Variants in CACNA2D3 observed in about 807,000 individuals in gnomAD.
The protein encoded by CACNA2D3 is voltage-dependent calcium channel subunit alpha-2/delta-3.
A neutral mutation model predicts 160.6 loss-of-function variants in CACNA2D3; 60 were observed. That is an observed-to-expected ratio of 0.37 (90% CI 0.30 to 0.46). The LOEUF (loss-of-function observed/expected upper bound fraction) is 0.46, where lower values mean the gene tolerates loss of function less well. Ranked by LOEUF, CACNA2D3 falls within the 20% of genes least tolerant of loss-of-function variation. The pLI, the probability that CACNA2D3 is intolerant of heterozygous loss-of-function variation, is 1.00. For synonymous variants in CACNA2D3, 558 were observed against 492.9 expected, an observed-to-expected ratio of 1.13 and a Z score of -1.75; for missense variants, 1,205 against 1,365.0, an observed-to-expected ratio of 0.88 and a Z score of 1.85.
intron 4 of CACNA2D3, among the ~76,000 whole-genome samples, chr3:54,421,215 C>G (rs1699831940): frequency 6.6e-6 from 1 of 152,190 alleles, no homozygotes; most frequent in Non-Finnish European, 1.5e-5. Context: ...TACCAAGGGC[C>G]TTGTGTGCTT....
At position 55,044,784 on chromosome 3, in the gene CACNA2D3, C is replaced by G. The variant is rs1704040123; in HGVS notation, c.2987+26467C>G. Reference sequence around the variant, plus strand: ...CATCCTTTATCAAGTTAAGGGAGTTCCTTCTGTTCCTAATTTCTTGAGATT... The same window carrying G: ...CATCCTTTATCAAGTTAAGGGAGTTGCTTCTGTTCCTAATTTCTTGAGATT... On this transcript the variant is annotated intron_variant, in intron 35 of 37. Coordinates refer to ENST00000474759, the MANE Select transcript of CACNA2D3 (RefSeq NM_018398.3). 2.0e-5 allele frequency among the ~76,000 whole-genome samples: 3 copies of G among 152,002 alleles called. No individual in the cohort carries two copies. In the South Asian group the frequency reaches 6.2e-4, roughly 32 times the overall value.
chr3:54,936,949 T>C (rs1158616385), intron 27 of CACNA2D3, among the ~76,000 whole-genome samples: 1 of 152,192 alleles, frequency 6.6e-6, no homozygotes, highest in East Asian at 1.9e-4. Flanking sequence ...TATAAGTTCC[T>C]ATCCATGGCC....
intron 2 of CACNA2D3, among the ~76,000 whole-genome samples, chr3:54,212,087 A>T (rs546503909): frequency 1.9e-3 from 294 of 152,308 alleles, no homozygotes; most frequent in African/African-American, 6.8e-3. Context: ...ACCAATAGTT[A>T]CTAGTTTAGA....
intron 13 of CACNA2D3, among the ~76,000 whole-genome samples, chr3:54,769,679 AC>A (rs1158017964): frequency 6.6e-6 from 1 of 152,102 alleles, no homozygotes; most frequent in Non-Finnish European, 1.5e-5. Flanking sequence ...ATTTTAGAAA[AC>A]CTAGTGTGAG....
chr3:54,973,043 G>A (rs748216689), intron 29 of CACNA2D3, among the ~76,000 whole-genome samples: 5 of 152,168 alleles, frequency 3.3e-5, no homozygotes, highest in Non-Finnish European at 7.3e-5. Flanking sequence ...GTCCTGCAGA[G>A]TAAACTGACA....
intron 5 of CACNA2D3, among the ~76,000 whole-genome samples, chr3:54,561,451 G>A (rs1232394607): frequency 1.3e-5 from 2 of 152,192 alleles, no homozygotes; most frequent in Non-Finnish European, 2.9e-5. Flanking sequence ...TGCTGAAATC[G>A]TTTATGAGCT....
intron 3 of CACNA2D3, among the ~76,000 whole-genome samples, chr3:54,329,183 A>G (rs1704189131): frequency 6.6e-6 from 1 of 151,694 alleles, no homozygotes; most frequent in South Asian, 2.1e-4. Flanking sequence ...TTTATTTTTT[A>G]TTTTCATACA....
intron 11 of CACNA2D3, among the ~76,000 whole-genome samples, chr3:54,722,414 T>G (rs1018794917): frequency 6.6e-6 from 1 of 152,214 alleles, no homozygotes; most frequent in Non-Finnish European, 1.5e-5. Flanking sequence ...CTTCTGTCAA[T>G]TTGTCAAACC....
In CACNA2D3 at chr3:54,687,130, T is replaced by TTTG. The variant is rs1559549400; in HGVS notation, c.1167+44891_1167+44892insGTT. On this transcript the variant is annotated intron_variant, in intron 11 of 37. Coordinates refer to ENST00000474759, the MANE Select transcript of CACNA2D3 (RefSeq NM_018398.3). ...TTTTCTTTTTCTTTTTCTTTTTTTT[T>TTTG]TTTTGTTTTTTTTTTTTTTTGTTTT... Among the ~76,000 whole-genome samples the TTTG allele has an allele frequency of 2.0e-4, 10 of 50,778 alleles. 1 individual carries two copies. The highest frequency in any genetic ancestry group is 3.5e-4 in the Non-Finnish European group (8 of 23,132). The allele number at this position is 50,778 out of a possible 152,430, so 33.3% of individuals were successfully genotyped here.
intron 2 of CACNA2D3, among the ~76,000 whole-genome samples, chr3:54,300,510 G>A (rs1469159638): frequency 6.6e-6 from 1 of 152,222 alleles, no homozygotes; most frequent in Non-Finnish European, 1.5e-5. Context: ...GGTAGAGCTT[G>A]TAAGCCCGTG....
At chr3:54,317,925 C>G (rs1191656649) in intron 2 of CACNA2D3, among the ~76,000 whole-genome samples, 1 of 152,138 alleles carries the variant, frequency 6.6e-6, no homozygotes, top group Non-Finnish European at 1.5e-5. Context: ...GAGGGTGGAG[C>G]CTTCATAACC....
intron 2 of CACNA2D3, among the ~76,000 whole-genome samples, chr3:54,199,557 G>C (rs1701141087): frequency 6.6e-6 from 1 of 151,398 alleles, no homozygotes; most frequent in Admixed American, 6.6e-5. Context: ...TTTTTTTGTA[G>C]AGACAGGGTT....
chr3:55,071,703 T>A (rs754364715), intron 35 of CACNA2D3, among the ~76,000 whole-genome samples: 1 of 152,228 alleles, frequency 6.6e-6, no homozygotes, highest in Non-Finnish European at 1.5e-5. Flanking sequence ...CATGTTTCAG[T>A]GGGCTCACTC....
intron 5 of CACNA2D3, among the ~76,000 whole-genome samples, chr3:54,549,318 C>T (rs1038589214): frequency 2.0e-5 from 3 of 152,272 alleles, no homozygotes; most frequent in Non-Finnish European, 4.4e-5. Flanking sequence ...TGGTGGCAGA[C>T]GCCTGTAGTC....
intron 11 of CACNA2D3, among the ~76,000 whole-genome samples, chr3:54,745,274 G>C (rs1262046661): frequency 1.3e-5 from 2 of 152,206 alleles, no homozygotes; most frequent in Admixed American, 1.3e-4. Flanking sequence ...AGTGGGCACT[G>C]GGGTAGAGGG....
At chr3:54,813,863 C>CT (rs10699574) in intron 13 of CACNA2D3, among the ~76,000 whole-genome samples, 28,201 of 121,542 alleles carry the variant, frequency 0.23, 3,749 homozygotes, top group South Asian at 0.25. Flanking sequence ...TTATAATATT[C>CT]TTTTTTTTTT....
intron 6 of CACNA2D3, among the ~76,000 whole-genome samples, chr3:54,569,564 C>T (rs1023030004): frequency 6.6e-6 from 1 of 152,194 alleles, no homozygotes; most frequent in Non-Finnish European, 1.5e-5. Flanking sequence ...AAAACATCTC[C>T]ACTCTCTGCA....
chr3:54,877,024 C>A (rs1306121359), intron 18 of CACNA2D3: 1 of 152,030 alleles, frequency 6.6e-6, no homozygotes, highest in Non-Finnish European at 1.5e-5. Flanking sequence ...ACCTCTTTAC[C>A]TGGGGCTGTC....
At chr3:54,949,006 A>C (rs767972428) in intron 27 of CACNA2D3, among the ~76,000 whole-genome samples, 8 of 152,356 alleles carry the variant, frequency 5.3e-5, no homozygotes, top group Non-Finnish European at 8.8e-5. Context: ...AGCTGAAATC[A>C]CCAAGTTTCT....
Sources: gnomAD v4.1 joint callset for allele counts (sites outside exome capture counted in the v4.1 genomes callset) on GRCh38, gnomAD v4.1.1 for gene constraint, MANE v1.5 for transcripts, NCBI Gene and HGNC (gene_info 2026-07-23, HGNC 2026-07-21) for gene names.